CCDC7: variants seen among roughly 807,000 people sequenced by gnomAD.
CCDC7 encodes the protein coiled-coil domain-containing protein 7.
CCDC7 carries 183 observed loss-of-function variants against 196.9 expected under a neutral mutation model. The observed-to-expected ratio is 0.93, with a 90% CI of 0.82 to 1.05. The LOEUF is 1.05. Among genes scored for constraint, CCDC7 ranks in the 50% least tolerant of loss-of-function variants. The pLI, the probability that CCDC7 is intolerant of heterozygous loss-of-function variation, is 0.00. For missense variants in CCDC7, 1,540 were observed against 1,482.2 expected, an observed-to-expected ratio of 1.04 and a Z score of -0.64; for synonymous variants, 525 against 484.6, an observed-to-expected ratio of 1.08 and a Z score of -1.10.
intron 15 of CCDC7, 62 bp from the exon 17 acceptor site, chr10:32,571,797 T>G: frequency 7.2e-7 from 1 of 1,381,054 alleles, no homozygotes; most frequent in South Asian, 1.8e-5. Context: ...TTTTTCTAAA[T>G]GACTGTAAAC....
At chr10:32,761,576 C>T (rs2077473106) in intron 28 of CCDC7, among the ~76,000 whole-genome samples, 1 of 151,910 alleles carries the variant, frequency 6.6e-6, no homozygotes, top group Non-Finnish European at 1.5e-5. Flanking sequence ...CACATAATGA[C>T]CTAAAACTTT....
chr10:32,848,201 G>T (rs1278470703), intron 38 of CCDC7, among the ~76,000 whole-genome samples: 2 of 152,090 alleles, frequency 1.3e-5, no homozygotes, highest in Non-Finnish European at 2.9e-5. Flanking sequence ...TAGAATTTAT[G>T]AAAAATAAAT....
intron 18 of CCDC7, among the ~76,000 whole-genome samples, chr10:32,589,937 A>G (rs2059629908): frequency 6.6e-6 from 1 of 151,998 alleles, no homozygotes; most frequent in African/African-American, 2.4e-5. Flanking sequence ...CTTTCAGTCT[A>G]TGCATATCCT....
In CCDC7 at chr10:32,812,415, C is replaced by T. The variant is rs1375108198; in HGVS notation, c.3098-1955C>T. Among the ~76,000 whole-genome samples the T allele has an allele frequency of 2.0e-5, 3 of 151,970 alleles. No individual in the cohort carries two copies. In the East Asian group the frequency reaches 5.8e-4, roughly 29 times the overall value. On this transcript the variant is annotated intron_variant, in intron 30 of 41. Coordinates refer to ENST00000639629, the Ensembl canonical transcript of CCDC7. ...ATTATAACAACAACTATAACCATGTCTTTATTATTTACAAATGTGCTATGT... is the reference window on the plus strand; with the variant it reads ...ATTATAACAACAACTATAACCATGTTTTTATTATTTACAAATGTGCTATGT...
intron 28 of CCDC7, among the ~76,000 whole-genome samples, chr10:32,772,464 C>T (rs72782279): frequency 0.088 from 13,435 of 152,286 alleles, 863 homozygotes; most frequent in East Asian, 0.33. Flanking sequence ...CAAAGCTAGG[C>T]ACCCAGCTCT....
intron 21 of CCDC7, among the ~76,000 whole-genome samples, chr10:32,672,550 C>A (rs561165854): frequency 6.6e-6 from 1 of 152,234 alleles, no homozygotes; most frequent in East Asian, 1.9e-4. Flanking sequence ...AGTGCTGATT[C>A]TTGTTTGGAG....
chr10:32,565,451 A>C, intron 13 of CCDC7, 107 bp from the exon 15 acceptor site: 1 of 1,151,942 alleles, frequency 8.7e-7, no homozygotes, highest in South Asian at 1.7e-5. Flanking sequence ...GTCTATGCTC[A>C]ATTCTTATCT....
chr10:32,786,480 C>T (rs2081900239), intron 29 of CCDC7, among the ~76,000 whole-genome samples: 1 of 152,136 alleles, frequency 6.6e-6, no homozygotes, highest in Admixed American at 6.5e-5. Flanking sequence ...CTATATAAGG[C>T]CAGGGTATGG....
intron 18 of CCDC7, among the ~76,000 whole-genome samples, chr10:32,616,236 G>C (rs935294957): frequency 1.3e-5 from 2 of 151,898 alleles, no homozygotes; most frequent in Non-Finnish European, 2.9e-5. Context: ...TCAATCTGCT[G>C]ATTACTTTGG....
In CCDC7 at chr10:32,641,847, C is replaced by T. The variant is rs368023831; in HGVS notation, c.2014+6689C>T. On this transcript the variant is annotated intron_variant, in intron 20 of 41. Transcript: ENST00000639629. ...GGGGTTTTGGTGTGGATGTCCTTTC[C>T]GTTTGTTAGTTTTCCTTCTAACAGT... is the stretch of plus-strand genomic sequence containing the variant. Among the ~76,000 whole-genome samples the T allele has an allele frequency of 2.5e-4, 38 of 152,078 alleles. No individual in the cohort carries two copies. The South Asian group carries it at 3.5e-3, about 14-fold the overall frequency.
chr10:32,849,116 T>C (rs560036907), intron 39 of CCDC7, among the ~76,000 whole-genome samples: 10 of 150,386 alleles, frequency 6.6e-5, no homozygotes, highest in Non-Finnish European at 1.5e-4. Flanking sequence ...TGGGTTTTGT[T>C]TTTTTTTTTT....
At chr10:32,613,656 T>C (rs2062437970) in intron 18 of CCDC7, among the ~76,000 whole-genome samples, 1 of 152,210 alleles carries the variant, frequency 6.6e-6, no homozygotes, top group Admixed American at 6.5e-5. Context: ...ATTTCTGCCT[T>C]AATTTTGTTA....
rs532682935 is a variant in CCDC7 at position 32,473,623 on chromosome 10, G to C, written c.740-344G>C. Among the ~76,000 whole-genome samples, 3 of 152,258 alleles carry C rather than the reference G, an allele frequency of 2.0e-5. No homozygotes were observed. The South Asian group carries it at 6.2e-4, about 32-fold the overall frequency. ...TATATTCAGAGACTAGTGAAAAGAA[G>C]AAGGGAGTCAGGTTTGAGAAATATT... On this transcript the variant is annotated intron_variant, in intron 7 of 41. Transcript: ENST00000639629.
intron 20 of CCDC7, among the ~76,000 whole-genome samples, chr10:32,645,074 A>G (rs1390809790): frequency 6.6e-6 from 1 of 152,246 alleles, no homozygotes; most frequent in Non-Finnish European, 1.5e-5. Context: ...AGACATACAA[A>G]TGGCCAACAA....
At chr10:32,766,489 C>T (rs2078323759) in intron 28 of CCDC7, among the ~76,000 whole-genome samples, 1 of 152,052 alleles carries the variant, frequency 6.6e-6, no homozygotes, top group Non-Finnish European at 1.5e-5. Context: ...TAGGGATGCT[C>T]TTCAGAGCCT....
At chr10:32,729,421 A>G in exon 28 of CCDC7, 1 of 1,423,876 alleles carries the variant, frequency 7.0e-7, no homozygotes, top group Non-Finnish European at 9.8e-7. Flanking sequence ...CGAATCTCAA[A>G]CGAAGAAACT....
In CCDC7 at chr10:32,817,208, G is replaced by T. The variant is rs193172867; in HGVS notation, c.3181+2755G>T. Among the ~76,000 whole-genome samples the T allele has an allele frequency of 8.0e-3, 1,212 of 152,284 alleles. 7 individuals carry two copies. Among genetic ancestry groups the T allele is most frequent in the Middle Eastern group, 0.02 (6 of 294 alleles). On this transcript the variant is annotated intron_variant, in intron 31 of 41. Transcript: ENST00000639629. ...GACGTATGCACAAGCCTGAGTAGCC[G>T]ATTTGATCAACTGGAAGAGGGGGTA...
intron 21 of CCDC7, among the ~76,000 whole-genome samples, chr10:32,670,334 C>G (rs555321594): frequency 6.6e-6 from 1 of 151,772 alleles, no homozygotes; most frequent in Non-Finnish European, 1.5e-5. Flanking sequence ...TTATAGAAAA[C>G]CATTCTAAGT....
chr10:32,763,589 G>A (rs1238386674), intron 28 of CCDC7, among the ~76,000 whole-genome samples: 1 of 151,952 alleles, frequency 6.6e-6, no homozygotes, highest in Non-Finnish European at 1.5e-5. Flanking sequence ...GTGTCTGTCA[G>A]TGGATGTATC....
Sources: allele counts gnomAD v4.1 joint callset (sites outside exome capture counted in the v4.1 genomes callset), GRCh38; gene constraint gnomAD v4.1.1; transcripts MANE v1.5; gene names NCBI Gene and HGNC (gene_info 2026-07-23, HGNC 2026-07-21).